RBFOX3: variants seen among roughly 807,000 people sequenced by gnomAD.
The protein encoded by RBFOX3 is RNA binding protein fox-1 homolog 3.
Under a neutral mutation model 48.7 loss-of-function variants are expected in RBFOX3, and 17 were observed. That is an observed-to-expected ratio of 0.35 (90% CI 0.24 to 0.52). The LOEUF (loss-of-function observed/expected upper bound fraction) is 0.52. RBFOX3 is among the 20% of genes least tolerant of loss of function. RBFOX3 has a pLI of 0.94. For synonymous variants in RBFOX3, 212 were observed against 209.5 expected (o/e 1.01, Z -0.10); for missense variants, 382 against 497.5 (o/e 0.77, Z 2.21).
Position 79,477,539 on chromosome 17 carries a change from G to A in RBFOX3, c.-175+4915C>T, listed in dbSNP as rs2078094921. ...CCATCGCACTCCAGCCTGGGCGACA[G>A]AGCGAAACTCCGTCACCGGAAAAAA... is the stretch of plus-strand genomic sequence containing the variant. On this transcript the variant is annotated intron_variant, in intron 2 of 14. Coordinates refer to ENST00000693108, the MANE Select transcript of RBFOX3 (RefSeq NM_001350451.2). The surrounding 1 kb of genome is among the most constrained non-coding windows in gnomAD (Gnocchi z 4.8). 2.0e-5 allele frequency among the ~76,000 whole-genome samples: 3 copies of A among 150,844 alleles called. No homozygotes were observed. The highest frequency in any genetic ancestry group is 4.3e-4 in the South Asian group (2 of 4,702).
At chr17:79,562,061 G>A (rs1330485627) in intron 1 of RBFOX3, among the ~76,000 whole-genome samples, 1 of 152,188 alleles carries the variant, frequency 6.6e-6, no homozygotes, top group Non-Finnish European at 1.5e-5. Flanking sequence ...CCACCAAAAG[G>A]GGCAGACCAG....
intron 4 of RBFOX3, among the ~76,000 whole-genome samples, chr17:79,150,073 T>TGGGGGG (rs2044074212): frequency 2.5e-5 from 1 of 40,098 alleles, no homozygotes; most frequent in Admixed American, 3.2e-4. Context: ...AGGGTGGGGG[T>TGGGGGG]TTGGGGTGGA....
intron 3 of RBFOX3, among the ~76,000 whole-genome samples, chr17:79,256,880 C>T (rs185009965): frequency 2.4e-4 from 37 of 151,982 alleles, no homozygotes; most frequent in Non-Finnish European, 4.6e-4. Context: ...CGAGATTGTG[C>T]CACTGCACTC....
the RBFOX3 span, among the ~76,000 whole-genome samples, chr17:79,649,721 C>T: frequency 2.0e-5 from 3 of 152,130 alleles, no homozygotes; most frequent in Non-Finnish European, 4.4e-5. Flanking sequence ...AAAAGAAATA[C>T]TTGAAACTGG....
intron 2 of RBFOX3, among the ~76,000 whole-genome samples, chr17:79,344,540 A>ATTGATTAT (rs2082584996): frequency 6.8e-6 from 1 of 147,324 alleles, no homozygotes; most frequent in Admixed American, 6.8e-5. Flanking sequence ...ACTTTGTTTG[A>ATTGATTAT]TTATTTATTT....
chr17:79,178,882 G>A (rs1468475493), intron 4 of RBFOX3, among the ~76,000 whole-genome samples: 1 of 152,184 alleles, frequency 6.6e-6, no homozygotes, highest in Non-Finnish European at 1.5e-5. Flanking sequence ...CAATTTTTCG[G>A]ATGTGGCTGC....
intron 4 of RBFOX3, among the ~76,000 whole-genome samples, chr17:79,187,951 G>A (rs2053751169): frequency 6.6e-6 from 1 of 152,190 alleles, no homozygotes; most frequent in Admixed American, 6.5e-5. Flanking sequence ...TTAAAAAAAT[G>A]TAGAAATTCT....
intron 3 of RBFOX3, among the ~76,000 whole-genome samples, chr17:79,284,251 T>A (rs112864944): frequency 0.051 from 7,831 of 152,258 alleles, 686 homozygotes; most frequent in African/African-American, 0.18. Context: ...CCGTTTCCAA[T>A]GCAGGGTTGC....
Position 79,214,276 on chromosome 17 carries a change from C to T in RBFOX3, c.-34+21490G>A, listed in dbSNP as rs747291349. The stretch of plus-strand genomic sequence containing the variant: ...GTGAAAGTGGCTGTGTGTTGGTTGC[C>T]GGCATGAAAAAACACTTTGCTTAAT... On this transcript the variant is annotated intron_variant, in intron 4 of 14. Transcript: ENST00000693108. The surrounding 1 kb of genome is among the most constrained non-coding windows in gnomAD (Gnocchi z 4.7). Among the ~76,000 whole-genome samples the T allele has an allele frequency of 1.6e-4, 25 of 151,990 alleles. No individual in the cohort carries two copies. The highest frequency in any genetic ancestry group is 3.9e-4 in the Admixed American group (6 of 15,274).
intron 2 of RBFOX3, among the ~76,000 whole-genome samples, chr17:79,312,701 A>C (rs1359340220): frequency 6.6e-6 from 1 of 152,182 alleles, no homozygotes; most frequent in Non-Finnish European, 1.5e-5. Flanking sequence ...TCCTTCATGC[A>C]CATAAAAAGA....
chr17:79,195,632 C>T lies in RBFOX3; in HGVS notation c.-34+40134G>A, dbSNP rs1262908592. Among the ~76,000 whole-genome samples the T allele has an allele frequency of 6.6e-6, 1 of 152,214 alleles. No individual in the cohort carries two copies. Among genetic ancestry groups the T allele is most frequent in the East Asian group, 1.9e-4 (1 of 5,194 alleles). On this transcript the variant is annotated intron_variant, in intron 4 of 14. Transcript: ENST00000693108. The surrounding 1 kb of genome is among the most constrained non-coding windows in gnomAD (Gnocchi z 5.3). Reference sequence around the variant, plus strand: ...GCCTCCTTATTTTGTCCTACCATTGCAGCTGTGCAGGCACACAGTGTCTGC... The same window carrying T: ...GCCTCCTTATTTTGTCCTACCATTGTAGCTGTGCAGGCACACAGTGTCTGC...
intron 2 of RBFOX3, among the ~76,000 whole-genome samples, chr17:79,310,899 G>A (rs756485751): frequency 3.9e-5 from 6 of 152,246 alleles, no homozygotes; most frequent in Non-Finnish European, 8.8e-5. Flanking sequence ...TCAGTGTTAT[G>A]CGTCCACTTG....
chr17:79,474,966 C>T (rs927341902), intron 2 of RBFOX3, among the ~76,000 whole-genome samples: 1 of 152,218 alleles, frequency 6.6e-6, no homozygotes, highest in South Asian at 2.1e-4. Context: ...AGGCTCCCCT[C>T]TCCTGGCCCA....
chr17:79,210,946 G>A (rs1173836278), intron 4 of RBFOX3, among the ~76,000 whole-genome samples: 4 of 152,048 alleles, frequency 2.6e-5, no homozygotes, highest in Non-Finnish European at 5.9e-5. Flanking sequence ...TCCTGCACAG[G>A]TGTCCGCATA....
At position 79,097,759 on chromosome 17, in the gene RBFOX3, A is replaced by C. The variant is rs769052612; in HGVS notation, c.569-14T>G. ...TTAGCTTCCAGCCTAAAACAAAGGC[A>C]CAGAGACCTAGTCACTGCCTTCCCC... On this transcript the variant is annotated splice_polypyrimidine_tract_variant and intron_variant, in intron 9 of 14. Coordinates refer to ENST00000693108, the MANE Select transcript of RBFOX3 (RefSeq NM_001350451.2). 2.8e-5 allele frequency: 44 copies of C among 1,549,824 alleles called. No individual in the cohort carries two copies. The highest frequency in any genetic ancestry group is 3.6e-5 in the Non-Finnish European group (41 of 1,146,134).
intron 1 of RBFOX3, among the ~76,000 whole-genome samples, chr17:79,549,978 C>T (rs974859739): frequency 1.1e-4 from 16 of 152,166 alleles, no homozygotes; most frequent in Admixed American, 2.6e-4. Flanking sequence ...TAGGGCAGGA[C>T]GTGGGCATGC....
rs1477732994 is a variant in RBFOX3, at chr17:79,304,807, C to T, written c.-74+2917G>A. On this transcript the variant is annotated intron_variant, in intron 3 of 14. Coordinates refer to ENST00000693108, the MANE Select transcript of RBFOX3 (RefSeq NM_001350451.2). ...TTCTTGGTTCCAACTCTAAGATTCT[C>T]GGAAGGTGCTGGTGGCTGTTGGGTT... is the stretch of plus-strand genomic sequence containing the variant. 2.0e-5 allele frequency among the ~76,000 whole-genome samples: 3 copies of T among 152,156 alleles called. No homozygotes were observed. In the East Asian group the frequency reaches 5.8e-4, roughly 29 times the overall value.
intron 1 of RBFOX3, among the ~76,000 whole-genome samples, chr17:79,536,463 G>A (rs2150128998): frequency 6.6e-6 from 1 of 152,348 alleles, no homozygotes; most frequent in Non-Finnish European, 1.5e-5. Context: ...CAGCACCATG[G>A]AAGCCTGAAC....
At chr17:79,366,802 T>C (rs559892224) in intron 2 of RBFOX3, among the ~76,000 whole-genome samples, 74 of 152,296 alleles carry the variant, frequency 4.9e-4, no homozygotes, top group African/African-American at 1.7e-3. Context: ...CTAGCAGATG[T>C]TGTGCTGGCC....
Sources: allele counts gnomAD v4.1 joint callset (sites outside exome capture counted in the v4.1 genomes callset), GRCh38; gene constraint gnomAD v4.1.1; non-coding constraint Gnocchi (gnomAD v3.1); transcripts MANE v1.5; gene names NCBI Gene and HGNC (gene_info 2026-07-23, HGNC 2026-07-21).